GLRA3: variants seen among roughly 807,000 people sequenced by gnomAD.
GLRA3 encodes glycine receptor subunit alpha-3.
In GLRA3, 44 loss-of-function variants were observed where a neutral mutation model predicts 60.4. The observed-to-expected ratio is 0.73, with a 90% CI of 0.57 to 0.94. GLRA3 has a LOEUF of 0.94. Among genes scored for constraint, GLRA3 ranks in the 40% least tolerant of loss-of-function variants. GLRA3 has a pLI of 0.00. For synonymous variants in GLRA3, 223 were observed against 192.9 expected (o/e 1.16, Z -1.29); for missense variants, 508 against 564.6 (o/e 0.90, Z 1.02).
chr4:174,762,456 T>A (rs1737977992), intron 3 of GLRA3, among the ~76,000 whole-genome samples: 1 of 152,130 alleles, frequency 6.6e-6, no homozygotes, highest in African/African-American at 2.4e-5. Context: ...ATCATCTCAG[T>A]GATTTTTTTC....
chr4:174,711,732 A>C (rs982067484), intron 5 of GLRA3, among the ~76,000 whole-genome samples: 2 of 152,094 alleles, frequency 1.3e-5, no homozygotes, highest in Non-Finnish European at 2.9e-5. Flanking sequence ...GAGCCACGGC[A>C]TATTGATTTT....
chr4:174,737,435 T>C (rs891374145), intron 3 of GLRA3, among the ~76,000 whole-genome samples: 3 of 152,236 alleles, frequency 2.0e-5, no homozygotes, highest in Admixed American at 2.0e-4. Flanking sequence ...TTGTCCTCAG[T>C]AAGAAAACTG....
intron 3 of GLRA3, among the ~76,000 whole-genome samples, chr4:174,765,778 A>G (rs1450654474): frequency 6.6e-6 from 1 of 152,056 alleles, no homozygotes; most frequent in Non-Finnish European, 1.5e-5. Flanking sequence ...ACACACATTC[A>G]TGTTAACTTA....
chr4:174,773,098 T>C (rs1341900117), intron 2 of GLRA3, among the ~76,000 whole-genome samples: 1 of 152,156 alleles, frequency 6.6e-6, no homozygotes, highest in Non-Finnish European at 1.5e-5. Flanking sequence ...AGAGCACCTG[T>C]TTAGTAGCTC....
At chr4:174,800,798 T>C (rs1173742216) in intron 1 of GLRA3, among the ~76,000 whole-genome samples, 1 of 152,122 alleles carries the variant, frequency 6.6e-6, no homozygotes. Flanking sequence ...ATGCCTGCCT[T>C]ATGATGATTC....
chr4:174,740,741 C>T (rs541475320), intron 3 of GLRA3, among the ~76,000 whole-genome samples: 3 of 152,310 alleles, frequency 2.0e-5, no homozygotes, highest in South Asian at 4.1e-4. Context: ...ACAGATATTC[C>T]CTGTGTTGCC....
intron 2 of GLRA3, among the ~76,000 whole-genome samples, chr4:174,783,164 G>A (rs1024318126): frequency 4.7e-4 from 72 of 151,718 alleles, no homozygotes; most frequent in South Asian, 8.3e-4. Flanking sequence ...AAATAACGCC[G>A]CGTATCTACA....
intron 3 of GLRA3, among the ~76,000 whole-genome samples, chr4:174,764,241 A>G (rs1476542974): frequency 6.6e-6 from 1 of 152,104 alleles, no homozygotes; most frequent in Non-Finnish European, 1.5e-5. Context: ...CCCAAGGATT[A>G]AAGAATAACC....
intron 4 of GLRA3, among the ~76,000 whole-genome samples, chr4:174,720,831 A>C (rs1736101392): frequency 6.6e-6 from 1 of 152,152 alleles, no homozygotes; most frequent in Admixed American, 6.5e-5. Flanking sequence ...ATTAATAGAC[A>C]ATTTCAAATA....
chr4:174,692,296 G>A (rs1403652194), intron 5 of GLRA3, among the ~76,000 whole-genome samples: 4 of 144,248 alleles, frequency 2.8e-5, no homozygotes, highest in Non-Finnish European at 4.5e-5. Context: ...CCGGCCAGCC[G>A]CCCCGTCTGG....
chr4:174,645,398 C>T (rs1387569923), intron 9 of GLRA3, among the ~76,000 whole-genome samples: 7 of 131,822 alleles, frequency 5.3e-5, no homozygotes, highest in African/African-American at 1.2e-4. Context: ...CCAGCCTGAG[C>T]GACAGAGTGA....
intron 1 of GLRA3, among the ~76,000 whole-genome samples, chr4:174,806,205 C>T (rs910206248): frequency 6.6e-6 from 1 of 152,080 alleles, no homozygotes; most frequent in Non-Finnish European, 1.5e-5. Context: ...AAATCTGCAG[C>T]TTTACACACA....
chr4:174,649,093 G>A (rs1239602486), intron 9 of GLRA3, among the ~76,000 whole-genome samples: 1 of 152,086 alleles, frequency 6.6e-6, no homozygotes, highest in African/African-American at 2.4e-5. Flanking sequence ...AGACTGACTC[G>A]AAGGCCAGGA....
intron 5 of GLRA3, among the ~76,000 whole-genome samples, chr4:174,697,125 T>C (rs1284775258): frequency 1.3e-5 from 2 of 152,290 alleles, no homozygotes; most frequent in South Asian, 2.1e-4. Flanking sequence ...CGGGTAAATA[T>C]ATAAAAGAAG....
In GLRA3 at chr4:174,821,072, T is replaced by C. The variant is rs531155254; in HGVS notation, c.71+7669A>G. ...GTAAACTTTTTACATGTATTTGACA[T>C]TAAAAACAAAGTCAACAGAGTCTAA... On this transcript the variant is annotated intron_variant, in intron 1 of 9. Coordinates refer to ENST00000274093, the MANE Select transcript of GLRA3 (RefSeq NM_006529.4). Among the ~76,000 whole-genome samples, 20 of 152,260 alleles carry C rather than the reference T, an allele frequency of 1.3e-4. No individual in the cohort carries two copies. In the South Asian group the frequency reaches 2.9e-3, roughly 22 times the overall value.
At position 174,669,312 on chromosome 4, in the gene GLRA3, A is replaced by G. The variant is rs1345348688; in HGVS notation, c.927+7766T>C. The stretch of plus-strand genomic sequence containing the variant: ...AAGAAAATAATAAATAATGTTTTAA[A>G]GACAGGTGTTGAAGTGGAATGAAGC... On this transcript the variant is annotated intron_variant, in intron 7 of 9. Coordinates refer to ENST00000274093, the MANE Select transcript of GLRA3 (RefSeq NM_006529.4). 4.6e-5 allele frequency among the ~76,000 whole-genome samples: 7 copies of G among 152,150 alleles called. No homozygotes were observed. The East Asian group carries it at 1.2e-3, about 25-fold the overall frequency.
Position 174,741,393 on chromosome 4 carries a change from G to A in GLRA3, c.268-12695C>T, listed in dbSNP as rs570490029. Among the ~76,000 whole-genome samples the A allele has an allele frequency of 6.6e-5, 10 of 152,236 alleles. No individual in the cohort carries two copies. The South Asian group carries it at 1.5e-3, about 22-fold the overall frequency. The stretch of plus-strand genomic sequence containing the variant: ...AATGCGTATATCTTTTTAGTGAAGT[G>A]TAACAAACATTTAAATTGCTCATTA... On this transcript the variant is annotated intron_variant, in intron 3 of 9. Transcript: ENST00000274093.
intron 1 of GLRA3, among the ~76,000 whole-genome samples, chr4:174,803,939 G>A (rs543668253): frequency 1.3e-4 from 20 of 152,080 alleles, no homozygotes; most frequent in Non-Finnish European, 2.6e-4. Context: ...TAGTTGTAGG[G>A]GCCTTGACTG....
chr4:174,751,065 A>ATCTT (rs1737462163), intron 3 of GLRA3, among the ~76,000 whole-genome samples: 1 of 123,158 alleles, frequency 8.1e-6, no homozygotes, highest in African/African-American at 3.1e-5. Context: ...CTGTCTGTCT[A>ATCTT]TCTATCTATC....
Sources: gnomAD v4.1 joint callset for allele counts (sites outside exome capture counted in the v4.1 genomes callset) on GRCh38, gnomAD v4.1.1 for gene constraint, MANE v1.5 for transcripts, NCBI Gene and HGNC (gene_info 2026-07-23, HGNC 2026-07-21) for gene names.